Variants in GPC5 observed in about 807,000 individuals in gnomAD.
GPC5 encodes glypican-5.
Under a neutral mutation model 53.9 loss-of-function variants are expected in GPC5, and 47 were observed. That is an observed-to-expected ratio of 0.87 (90% confidence interval 0.69 to 1.11). GPC5 has a LOEUF of 1.11. GPC5 is among the 50% of genes most tolerant of loss of function. The pLI is 0.00. For synonymous variants in GPC5, 286 were observed against 263.3 expected, an observed-to-expected ratio of 1.09 and a Z score of -0.84; for missense variants, 748 against 713.1, an observed-to-expected ratio of 1.05 and a Z score of -0.56.
intron 5 of GPC5, among the ~76,000 whole-genome samples, chr13:91,872,667 A>C (rs2039159774): frequency 6.6e-6 from 1 of 152,174 alleles, no homozygotes; most frequent in African/African-American, 2.4e-5. Context: ...CTTATTTCTC[A>C]CAATAAGCAT....
chr13:92,161,656 G>A (rs1221567787), intron 7 of GPC5, among the ~76,000 whole-genome samples: 1 of 151,904 alleles, frequency 6.6e-6, no homozygotes, highest in Non-Finnish European at 1.5e-5. Flanking sequence ...GTGGAGACCT[G>A]ACTAGAATAT....
At chr13:92,231,214 AAC>A (rs1350951429) in intron 7 of GPC5, among the ~76,000 whole-genome samples, 1 of 152,218 alleles carries the variant, frequency 6.6e-6, no homozygotes, top group Non-Finnish European at 1.5e-5. Context: ...GTCTGAATCA[AAC>A]ACAATTTGAT....
chr13:92,826,720 T>C (rs936660812), intron 7 of GPC5, among the ~76,000 whole-genome samples: 3 of 152,158 alleles, frequency 2.0e-5, no homozygotes, highest in Non-Finnish European at 4.4e-5. Context: ...CATCAATGCC[T>C]ACACTTTAAT....
At chr13:91,785,553 G>A (rs2037865031) in intron 5 of GPC5, among the ~76,000 whole-genome samples, 1 of 152,156 alleles carries the variant, frequency 6.6e-6, no homozygotes, top group Non-Finnish European at 1.5e-5. Context: ...TTTCAGGCTT[G>A]TATATCCAAC....
chr13:92,477,843 C>T (rs761642001), intron 7 of GPC5, among the ~76,000 whole-genome samples: 2 of 151,792 alleles, frequency 1.3e-5, no homozygotes, highest in African/African-American at 4.8e-5. Context: ...TCATTCACTG[C>T]ACAGCCTACA....
chr13:92,381,880 T>TTATATATATTATATATAATCA lies in GPC5; in HGVS notation c.1561+236899_1561+236919dup, dbSNP rs1555331655. Among the ~76,000 whole-genome samples the TTATATATATTATATATAATCA allele has an allele frequency of 2.1e-3, 91 of 43,012 alleles. 2 individuals are homozygous for TTATATATATTATATATAATCA. The highest frequency in any genetic ancestry group is 3.4e-3 in the Non-Finnish European group (65 of 19,340). 28.2% of individuals were successfully genotyped at this position (43,012 alleles called of 152,430 possible). On this transcript the variant is annotated intron_variant, in intron 7 of 7. Coordinates refer to ENST00000377067, the MANE Select transcript of GPC5 (RefSeq NM_004466.6). ...ATGATTATATATATCATATATATGA[T>TTATATATATTATATATAATCA]TATATATATTATATATAATCATATA...
intron 4 of GPC5, among the ~76,000 whole-genome samples, chr13:91,733,888 G>A (rs962647454): frequency 6.6e-6 from 1 of 152,156 alleles, no homozygotes; most frequent in African/African-American, 2.4e-5. Flanking sequence ...TTGAGAAGGG[G>A]CATCCTTGTT....
chr13:92,822,401 A>G (rs1877705363), intron 7 of GPC5, among the ~76,000 whole-genome samples: 5 of 152,200 alleles, frequency 3.3e-5, no homozygotes, highest in South Asian at 2.1e-4. Flanking sequence ...TATTGTTCCC[A>G]TTTTAGGTGA....
chr13:92,335,826 A>G (rs1365041103), intron 7 of GPC5, among the ~76,000 whole-genome samples: 1 of 152,172 alleles, frequency 6.6e-6, no homozygotes, highest in Non-Finnish European at 1.5e-5. Context: ...TTTTTTGTCC[A>G]TATCACCTCA....
chr13:91,508,162 A>T (rs996216711), intron 2 of GPC5, among the ~76,000 whole-genome samples: 1 of 152,214 alleles, frequency 6.6e-6, no homozygotes, highest in Non-Finnish European at 1.5e-5. Flanking sequence ...TGGCTTAAAA[A>T]CAGCTCACAT....
intron 7 of GPC5, among the ~76,000 whole-genome samples, chr13:92,301,050 A>G (rs1478436310): frequency 1.3e-5 from 2 of 152,244 alleles, no homozygotes; most frequent in African/African-American, 4.8e-5. Context: ...GTAGCCTAGT[A>G]GCACATAGTA....
intron 1 of GPC5, among the ~76,000 whole-genome samples, chr13:91,400,426 GC>G (rs2138735988): frequency 1.3e-5 from 2 of 152,266 alleles, no homozygotes; most frequent in African/African-American, 4.8e-5. Context: ...GGTACTAGGT[GC>G]TTTTTCTGTA....
At chr13:91,752,154 A>T (rs774089080) in intron 4 of GPC5, among the ~76,000 whole-genome samples, 1 of 152,212 alleles carries the variant, frequency 6.6e-6, no homozygotes, top group Non-Finnish European at 1.5e-5. Context: ...GACACCAGTC[A>T]TATTGGATTA....
At chr13:92,134,272 C>T (rs946079541) in intron 6 of GPC5, among the ~76,000 whole-genome samples, 34 of 152,124 alleles carry the variant, frequency 2.2e-4, no homozygotes, top group African/African-American at 8.0e-4. Context: ...CATAACCAGG[C>T]AAACAGCTAG....
chr13:91,728,722 A>G (rs1335980018), intron 4 of GPC5, 57 bp downstream of exon 4: 1 of 1,509,246 alleles, frequency 6.6e-7, no homozygotes, highest in Admixed American at 2.0e-5. Flanking sequence ...TTAATTTTAC[A>G]ACAGAATAGA....
At chr13:92,611,814 T>A (rs550086214) in intron 7 of GPC5, among the ~76,000 whole-genome samples, 1 of 152,096 alleles carries the variant, frequency 6.6e-6, no homozygotes, top group Non-Finnish European at 1.5e-5. Context: ...CAGAAAGACA[T>A]GGTTTTGGTG....
At chr13:91,841,319 C>T (rs2038785665) in intron 5 of GPC5, among the ~76,000 whole-genome samples, 1 of 150,192 alleles carries the variant, frequency 6.7e-6, no homozygotes, top group South Asian at 2.1e-4. Flanking sequence ...CTGAGCATGT[C>T]TTGCAGAATA....
intron 6 of GPC5, among the ~76,000 whole-genome samples, chr13:92,051,881 CTT>C (rs1236739013): frequency 6.6e-6 from 1 of 152,114 alleles, no homozygotes. Context: ...TGGCAGGACT[CTT>C]TTTTTAGAGA....
intron 7 of GPC5, among the ~76,000 whole-genome samples, chr13:92,170,420 C>CTTTTTTTTTTTTTTTTTTTT (rs61418155): frequency 5.0e-4 from 38 of 75,262 alleles, no homozygotes; most frequent in Non-Finnish European, 6.9e-4. Flanking sequence ...CTTTTCTTTG[C>CTTTTTTTTTTTTTTTTTTTT]TTTTTTTTTT....
Sources: allele counts gnomAD v4.1 joint callset (sites outside exome capture counted in the v4.1 genomes callset), GRCh38; gene constraint gnomAD v4.1.1; transcripts MANE v1.5; gene names NCBI Gene and HGNC (gene_info 2026-07-23, HGNC 2026-07-21).